Variants in DOCK9 observed in about 807,000 individuals in gnomAD.
The protein encoded by DOCK9 is dedicator of cytokinesis 9.
DOCK9 carries 89 observed loss-of-function variants against 263.3 expected under a neutral mutation model. The ratio of observed to expected loss-of-function variants is 0.34; its 90% CI spans 0.28 to 0.40. DOCK9 has a LOEUF of 0.40. DOCK9 is among the 10% of genes least tolerant of loss of function. The pLI, the probability that DOCK9 is intolerant of heterozygous loss-of-function variation, is 1.00. For synonymous variants in DOCK9, 976 were observed against 973.1 expected (o/e 1.00, Z -0.06); for missense variants, 2,140 against 2,603.4 (o/e 0.82, Z 3.87).
intron 52 of DOCK9, among the ~76,000 whole-genome samples, chr13:98,796,590 A>T (rs563048298): frequency 7.2e-5 from 11 of 152,346 alleles, no homozygotes; most frequent in African/African-American, 2.6e-4. Context: ...CAAAATAATC[A>T]GGGAAGATGC....
intron 39 of DOCK9, 107 bp downstream of exon 39, chr13:98,837,387 T>C (rs563017514): frequency 3.6e-4 from 253 of 708,796 alleles, no homozygotes; most frequent in Non-Finnish European, 5.6e-4. Flanking sequence ...ACAAAAATAA[T>C]TGCTGAAGTA....
At chr13:98,814,095 A>G (rs1322354032) in intron 45 of DOCK9, among the ~76,000 whole-genome samples, 1 of 152,220 alleles carries the variant, frequency 6.6e-6, no homozygotes, top group Non-Finnish European at 1.5e-5. Flanking sequence ...TACAGATTCA[A>G]AGTAAATAAA....
intron 30 of DOCK9, among the ~76,000 whole-genome samples, chr13:98,864,778 G>A (rs1487256623): frequency 6.6e-6 from 1 of 152,130 alleles, no homozygotes; most frequent in Non-Finnish European, 1.5e-5. Context: ...GGGGCCTGGT[G>A]GGAGGTGTTT....
At chr13:98,905,537 C>T (rs780283074) in intron 9 of DOCK9, among the ~76,000 whole-genome samples, 1 of 151,962 alleles carries the variant, frequency 6.6e-6, no homozygotes, top group Non-Finnish European at 1.5e-5. Context: ...AGGGACAAGT[C>T]ACACCTGAGC....
At chr13:99,086,237 C>T in exon 1 of DOCK9, 2 of 1,504,944 alleles carry the variant, frequency 1.3e-6, no homozygotes, top group Non-Finnish European at 1.8e-6. Context: ...AGCACGGAGC[C>T]GCGCACCACC....
chr13:98,991,579 G>A (rs1231942893), intron 1 of DOCK9, among the ~76,000 whole-genome samples: 1 of 151,788 alleles, frequency 6.6e-6, no homozygotes, highest in Non-Finnish European at 1.5e-5. Context: ...AATAATATTT[G>A]AATATACTGG....
intron 1 of DOCK9, among the ~76,000 whole-genome samples, chr13:99,078,706 T>C (rs2042008634): frequency 1.3e-5 from 2 of 152,204 alleles, no homozygotes; most frequent in African/African-American, 4.8e-5. Context: ...AGCAACTTTT[T>C]AAAATTGCAG....
intron 1 of DOCK9, among the ~76,000 whole-genome samples, chr13:99,053,870 A>T (rs568699509): frequency 6.6e-6 from 1 of 152,190 alleles, no homozygotes; most frequent in Non-Finnish European, 1.5e-5. Context: ...CCTACTCCCA[A>T]GAAAACACCA....
chr13:98,851,982 T>C (rs2093587094), intron 35 of DOCK9, among the ~76,000 whole-genome samples: 1 of 152,210 alleles, frequency 6.6e-6, no homozygotes, highest in South Asian at 2.1e-4. Context: ...GAAGAGGTGG[T>C]TGCATTTTAA....
chr13:98,884,901 T>C, intron 21 of DOCK9, 70 bp downstream of exon 21: 2 of 1,499,658 alleles, frequency 1.3e-6, no homozygotes, highest in Non-Finnish European at 1.8e-6. Context: ...TTGTGTGTTA[T>C]TGTTGTTTTA....
chr13:98,979,491 A>C (rs1876563555), upstream of DOCK9, among the ~76,000 whole-genome samples: 1 of 152,070 alleles, frequency 6.6e-6, no homozygotes, highest in African/African-American at 2.4e-5. Context: ...CAGCTGCTCT[A>C]CTTCAAGAGT....
intron 2 of DOCK9, among the ~76,000 whole-genome samples, chr13:98,948,436 C>T (rs1481304472): frequency 2.0e-5 from 3 of 152,218 alleles, no homozygotes; most frequent in Non-Finnish European, 2.9e-5. Context: ...AGGACTCACT[C>T]CTCAACCTGA....
intron 18 of DOCK9, among the ~76,000 whole-genome samples, chr13:98,887,329 A>G (rs1181864663): frequency 6.6e-6 from 1 of 151,454 alleles, no homozygotes; most frequent in East Asian, 1.9e-4. Flanking sequence ...AAACATATGG[A>G]TAATAGGCCG....
intron 43 of DOCK9, among the ~76,000 whole-genome samples, chr13:98,827,707 G>A (rs752455521): frequency 2.0e-5 from 3 of 152,194 alleles, no homozygotes; most frequent in East Asian, 1.9e-4. Flanking sequence ...TCCAGTCCTC[G>A]GAGGCAGAGT....
At chr13:98,809,876 C>A (rs1240709083) in intron 46 of DOCK9, among the ~76,000 whole-genome samples, 1 of 152,138 alleles carries the variant, frequency 6.6e-6, no homozygotes, top group African/African-American at 2.4e-5. Flanking sequence ...AGAAAAGGGA[C>A]AACTGGTGAT....
intron 1 of DOCK9, among the ~76,000 whole-genome samples, chr13:99,082,026 T>C (rs1006580692): frequency 5.3e-5 from 8 of 152,064 alleles, no homozygotes; most frequent in Non-Finnish European, 7.4e-5. Context: ...AAGACCAGCC[T>C]AGGCAACAGG....
At chr13:98,804,058 C>T (rs1373428023) in intron 49 of DOCK9, among the ~76,000 whole-genome samples, 1 of 152,118 alleles carries the variant, frequency 6.6e-6, no homozygotes, top group Non-Finnish European at 1.5e-5. Context: ...GCAGCATCTC[C>T]ACAGCGCTCC....
intron 1 of DOCK9, among the ~76,000 whole-genome samples, chr13:99,029,585 A>G (rs954039474): frequency 6.6e-6 from 1 of 152,226 alleles, no homozygotes; most frequent in Non-Finnish European, 1.5e-5. Flanking sequence ...AAGATGTTCA[A>G]CATCATTAGT....
At chr13:99,042,486 A>C (rs1888559109) in intron 1 of DOCK9, among the ~76,000 whole-genome samples, 1 of 152,236 alleles carries the variant, frequency 6.6e-6, no homozygotes, top group Non-Finnish European at 1.5e-5. Flanking sequence ...CTTGGATGTC[A>C]GGGAAGACGG....
Sources: gnomAD v4.1 joint callset for allele counts (sites outside exome capture counted in the v4.1 genomes callset) on GRCh38, gnomAD v4.1.1 for gene constraint, MANE v1.5 for transcripts, NCBI Gene and HGNC (gene_info 2026-07-23, HGNC 2026-07-21) for gene names.